The following HECW2 variants were observed in gnomAD, a reference collection of about 807,000 sequenced individuals.
HECW2 encodes the protein E3 ubiquitin-protein ligase HECW2.
Under a neutral mutation model 175.2 loss-of-function variants are expected in HECW2, and 61 were observed. The ratio of observed to expected loss-of-function variants is 0.35; its 90% CI spans 0.28 to 0.43. The LOEUF is 0.43. Ranked by LOEUF, HECW2 falls within the 20% of genes least tolerant of loss-of-function variation. The probability of loss-of-function intolerance (pLI) is 1.00; values close to 1 mark genes in which losing one functional copy is unlikely to be tolerated. For missense variants in HECW2, 1,524 were observed against 2,000.5 expected (o/e 0.76, Z 4.54); for synonymous variants, 671 against 731.0 (o/e 0.92, Z 1.32).
chr2:196,208,755 G>A (rs1432986820), intron 28 of HECW2, among the ~76,000 whole-genome samples: 1 of 152,216 alleles, frequency 6.6e-6, no homozygotes, highest in Admixed American at 6.5e-5. Context: ...ATACACAGAA[G>A]GAGGCTGGTA....
At chr2:196,301,070 G>A (rs80303771) in intron 13 of HECW2, among the ~76,000 whole-genome samples, 10,657 of 152,014 alleles carry the variant, frequency 0.07, 432 homozygotes, top group East Asian at 0.13. Flanking sequence ...GTTGTTCCCC[G>A]CCAGTGTCCA....
At chr2:196,340,741 T>G (rs1302633822) in intron 3 of HECW2, among the ~76,000 whole-genome samples, 1 of 152,042 alleles carries the variant, frequency 6.6e-6, no homozygotes, top group Non-Finnish European at 1.5e-5. Flanking sequence ...TTCTGATTAA[T>G]GAAGAAAGAC....
At chr2:196,422,608 T>A (rs1383431700) in intron 2 of HECW2, among the ~76,000 whole-genome samples, 1 of 152,076 alleles carries the variant, frequency 6.6e-6, no homozygotes, top group Non-Finnish European at 1.5e-5. Context: ...CAATAAATAA[T>A]CCTTTGTTCT....
intron 2 of HECW2, among the ~76,000 whole-genome samples, chr2:196,364,259 T>C (rs1272998918): frequency 6.6e-6 from 1 of 152,234 alleles, no homozygotes; most frequent in Non-Finnish European, 1.5e-5. Context: ...TCTATTTTCC[T>C]ATATGGAGAA....
chr2:196,294,755 C>A (rs1189471936), intron 13 of HECW2, among the ~76,000 whole-genome samples: 1 of 152,110 alleles, frequency 6.6e-6, no homozygotes, highest in African/African-American at 2.4e-5. Context: ...ATGTGAGTCC[C>A]TCTAGAGCTT....
chr2:196,197,683 A>C lies in HECW2; in HGVS notation c.*3594T>G, dbSNP rs1260401419. On this transcript the variant is annotated 3_prime_UTR_variant, in exon 29 of 29. Transcript: ENST00000644978. ...CTGAATGTGGAATATACTGGTACAA[A>C]CATTAGTCTCCACATTTCTCAAGAT... The C allele has an allele frequency of 6.6e-6, 1 of 152,234 alleles. No individual in the cohort carries two copies. Among genetic ancestry groups the C allele is most frequent in the Admixed American group, 6.5e-5 (1 of 15,278 alleles). The allele number at this position is 152,234 out of a possible 1,614,324, so 9.4% of individuals were successfully genotyped here. A position where few individuals can be genotyped will look rare whatever the true frequency, so the allele number is the denominator to read the frequency against.
chr2:196,583,209 C>G (rs972593309), intron 1 of HECW2, among the ~76,000 whole-genome samples: 1 of 152,184 alleles, frequency 6.6e-6, no homozygotes, highest in African/African-American at 2.4e-5. Flanking sequence ...ACCTACATAC[C>G]TGAACTACCC....
intron 1 of HECW2, among the ~76,000 whole-genome samples, chr2:196,546,383 T>G (rs962594400): frequency 6.6e-6 from 1 of 152,228 alleles, no homozygotes; most frequent in Non-Finnish European, 1.5e-5. Flanking sequence ...TAGCAGATGC[T>G]CTGTAAACAT....
intron 1 of HECW2, among the ~76,000 whole-genome samples, chr2:196,531,802 C>A (rs1239299950): frequency 6.6e-6 from 1 of 152,182 alleles, no homozygotes; most frequent in African/African-American, 2.4e-5. Context: ...GCCTCTGGAT[C>A]ACTATTTAAA....
intron 1 of HECW2, among the ~76,000 whole-genome samples, chr2:196,502,682 C>T (rs887149318): frequency 3.3e-5 from 5 of 152,254 alleles, no homozygotes; most frequent in East Asian, 1.9e-4. Flanking sequence ...TCCACAATTA[C>T]GTGTCAGGCA....
chr2:196,395,071 C>A (rs1172657899), intron 2 of HECW2, among the ~76,000 whole-genome samples: 1 of 152,024 alleles, frequency 6.6e-6, no homozygotes, highest in Non-Finnish European at 1.5e-5. Context: ...GAGAGGTCTG[C>A]CCTCATGACC....
At chr2:196,500,580 G>A (rs1687546829) in intron 1 of HECW2, among the ~76,000 whole-genome samples, 1 of 152,074 alleles carries the variant, frequency 6.6e-6, no homozygotes, top group Non-Finnish European at 1.5e-5. Flanking sequence ...CTGACATAAA[G>A]TAACTAACTT....
chr2:196,235,309 C>T (rs568083575), intron 21 of HECW2, among the ~76,000 whole-genome samples: 62 of 151,918 alleles, frequency 4.1e-4, no homozygotes, highest in African/African-American at 1.3e-3. Context: ...CATGAGTTAG[C>T]CAGGATGGTC....
At chr2:196,247,735 A>G (rs1206140176) in intron 19 of HECW2, among the ~76,000 whole-genome samples, 1 of 152,226 alleles carries the variant, frequency 6.6e-6, no homozygotes, top group East Asian at 1.9e-4. Flanking sequence ...ATTTCAGAAG[A>G]CACTAGAAAT....
chr2:196,368,165 A>G (rs2105897183), intron 2 of HECW2, among the ~76,000 whole-genome samples: 1 of 152,248 alleles, frequency 6.6e-6, no homozygotes, highest in South Asian at 2.1e-4. Context: ...ATCATATGTT[A>G]GTTCAATGTT....
At chr2:196,482,933 G>A (rs182576479) in intron 1 of HECW2, among the ~76,000 whole-genome samples, 30 of 152,192 alleles carry the variant, frequency 2.0e-4, no homozygotes, top group African/African-American at 5.3e-4. Context: ...CCTTGGGTGT[G>A]ACACAACTCT....
chr2:196,358,857 G>A (rs1171634373), intron 2 of HECW2, among the ~76,000 whole-genome samples: 3 of 152,150 alleles, frequency 2.0e-5, no homozygotes, highest in African/African-American at 7.2e-5. Flanking sequence ...ACTGTACAGT[G>A]ATTGTAAACT....
chr2:196,302,347 T>C (rs989534894), intron 13 of HECW2, among the ~76,000 whole-genome samples: 6 of 152,222 alleles, frequency 3.9e-5, no homozygotes, highest in Non-Finnish European at 8.8e-5. Flanking sequence ...AGTCAGGAAG[T>C]GTGATGCCTC....
Position 196,215,876 on chromosome 2 carries a change from A to G in HECW2, c.4596T>C (p.Thr1532=). The part of the protein sequence containing the change: ...RFCVEKWGKI[T]ALPRAHTCFN... ...ATTTTATATTTTACCTGGGAAGAGC[A>G]GTGATTTTCCCCCATTTCTCCACAC... The change falls in exon 28 of 29, where the codon ACT becomes ACC. Residue 1532 remains threonine, a synonymous_variant. Transcript: ENST00000644978. The G allele has an allele frequency of 6.2e-7, 1 of 1,608,184 alleles. No individual in the cohort carries two copies. Among genetic ancestry groups the G allele is most frequent in the South Asian group, 1.1e-5 (1 of 90,922 alleles).
Sources: allele counts gnomAD v4.1 joint callset (sites outside exome capture counted in the v4.1 genomes callset), GRCh38; gene constraint gnomAD v4.1.1; transcripts MANE v1.5; gene names NCBI Gene and HGNC (gene_info 2026-07-23, HGNC 2026-07-21).